Variants in COPB1 observed in about 807,000 individuals in gnomAD.
The protein encoded by COPB1 is coat protein complex I subunit beta 1.
COPB1 carries 21 observed loss-of-function variants against 108.7 expected under a neutral mutation model. The observed-to-expected ratio is 0.19, with a 90% CI of 0.14 to 0.28. The LOEUF (loss-of-function observed/expected upper bound fraction) is 0.28, where lower values mean the gene tolerates loss of function less well. Ranked by LOEUF, COPB1 falls within the 10% of genes least tolerant of loss-of-function variation. The probability of loss-of-function intolerance (pLI) is 1.00; values close to 1 mark genes in which losing one functional copy is unlikely to be tolerated. For missense variants in COPB1, 919 were observed against 1,141.3 expected, an observed-to-expected ratio of 0.81 and a Z score of 2.81; for synonymous variants, 378 against 386.8, an observed-to-expected ratio of 0.98 and a Z score of 0.27.
At chr11:14,477,070 GATCT>G in intron 11 of COPB1, 55 bp from the exon 12 acceptor site, 1 of 1,197,480 alleles carries the variant, frequency 8.4e-7, no homozygotes, top group Non-Finnish European at 1.2e-6. Flanking sequence ...TTGAAGCAGA[GATCT>G]TTCTTTGTTA....
chr11:14,472,241 T>C (rs1316287459), intron 14 of COPB1, among the ~76,000 whole-genome samples: 2 of 152,206 alleles, frequency 1.3e-5, no homozygotes, highest in African/African-American at 4.8e-5. Flanking sequence ...AAACATTCAT[T>C]TCTTTCTACA....
intron 7 of COPB1, 72 bp from the exon 8 acceptor site, chr11:14,483,223 G>C: frequency 1.1e-6 from 1 of 938,492 alleles, no homozygotes; most frequent in South Asian, 1.8e-5. Context: ...GCATGCGCGC[G>C]CACACCACAC....
chr11:14,484,730 C>G (rs575622457), intron 7 of COPB1, among the ~76,000 whole-genome samples: 92 of 152,010 alleles, frequency 6.1e-4, no homozygotes, highest in Admixed American at 1.1e-3. Context: ...AAAACAAAAA[C>G]AAAACAAAAA....
intron 16 of COPB1, among the ~76,000 whole-genome samples, chr11:14,467,687 C>A (rs145449546): frequency 6.6e-6 from 1 of 152,302 alleles, no homozygotes; most frequent in Non-Finnish European, 1.5e-5. Context: ...CATATACTTA[C>A]AATGTAATAT....
In COPB1 at chr11:14,483,258, A is replaced by T. The variant is rs1022402112; in HGVS notation, c.838-107T>A. ...CACACACACACACACACACACACACACTCCCATGAAGCCAAAATACACTCA... is the reference window on the plus strand; with the variant it reads ...CACACACACACACACACACACACACTCTCCCATGAAGCCAAAATACACTCA... On this transcript the variant is annotated intron_variant, in intron 7 of 21. Coordinates refer to ENST00000439561, the MANE Select transcript of COPB1 (RefSeq NM_001144061.2). 1.1e-5 allele frequency: 6 copies of T among 557,236 alleles called. 1 individual carries two copies. Among genetic ancestry groups the T allele is most frequent in the Non-Finnish European group, 1.7e-5 (6 of 352,466 alleles). The allele number at this position is 557,236 out of a possible 1,614,324, so 34.5% of individuals were successfully genotyped here.
intron 2 of COPB1, among the ~76,000 whole-genome samples, chr11:14,498,346 TTTC>T (rs1382600040): frequency 3.3e-5 from 5 of 152,224 alleles, no homozygotes; most frequent in Non-Finnish European, 2.9e-5. Flanking sequence ...ATATAGTTGT[TTTC>T]TTATTTGCAA....
rs769505465 is a variant in COPB1 at position 14,494,291 on chromosome 11, T to C, written c.240A>G (p.Val80=). 1.5e-5 allele frequency: 24 copies of C among 1,613,722 alleles called. No homozygotes were observed. In the Admixed American group the frequency reaches 3.7e-4, roughly 25 times the overall value. ...QDHTIKKLLL[V]FWEIVPKTTP... ...TTGTTTTAGGAACAATTTCCCAAAA[T>C]ACCAGAAGTAATTTCTTGATAGTGT... The change falls in exon 3 of 22, where the codon GTA becomes GTG. Residue 80 remains valine (V), a synonymous_variant. Coordinates refer to ENST00000439561, the MANE Select transcript of COPB1 (RefSeq NM_001144061.2).
chr11:14,469,663 G>A, intron 14 of COPB1, 100 bp from the exon 15 acceptor site: 1 of 1,004,912 alleles, frequency 1.0e-6, no homozygotes, highest in Non-Finnish European at 1.5e-6. Flanking sequence ...CACTTCACCT[G>A]AATAAGATTT....
Position 14,476,963 on chromosome 11 carries a change from C to G in COPB1, c.1411G>C (p.Asp471His). ...ATCTCAGTCATCACACTCTGAATGT[C>G]TTCCTTGGTACTACAGTATTCTCCC... is the stretch of plus-strand genomic sequence containing the variant. ...ILGEYCSTKE[D>H]IQSVMTEIRR... Residue 471 changes from aspartate to histidine, a missense_variant, in exon 12 of 22, where the codon GAC (aspartate) becomes CAC (histidine). Around this residue, in one of 5 missense-constraint regions of COPB1, gnomAD observed 705 missense variants for 817.8 expected, o/e 0.86. Transcript: ENST00000439561. The G allele has an allele frequency of 6.2e-7, 1 of 1,613,110 alleles. No homozygotes were observed. Among genetic ancestry groups the G allele is most frequent in the Non-Finnish European group, 8.5e-7 (1 of 1,179,122 alleles).
intron 1 of COPB1, among the ~76,000 whole-genome samples, chr11:14,499,366 C>T (rs1851099389): frequency 6.6e-6 from 1 of 152,202 alleles, no homozygotes; most frequent in Non-Finnish European, 1.5e-5. Flanking sequence ...TATCGCGGTC[C>T]TTGGTGGGTT....
intron 16 of COPB1, among the ~76,000 whole-genome samples, chr11:14,467,202 AC>A (rs1850302434): frequency 6.6e-6 from 1 of 152,008 alleles, no homozygotes. Flanking sequence ...AAAAAAACCA[AC>A]AACCCAATTT....
intron 7 of COPB1, among the ~76,000 whole-genome samples, chr11:14,484,982 A>C (rs1850739283): frequency 6.6e-6 from 1 of 152,110 alleles, no homozygotes. Context: ...ACTCACTAAA[A>C]CTTAAAATCT....
chr11:14,480,307 TTA>T (rs1850633900), intron 10 of COPB1, among the ~76,000 whole-genome samples: 1 of 152,152 alleles, frequency 6.6e-6, no homozygotes, highest in African/African-American at 2.4e-5. Flanking sequence ...TAAAATCATT[TTA>T]GAGAGAACTC....
chr11:14,478,295 CCAGA>C (rs1442339461), intron 11 of COPB1, among the ~76,000 whole-genome samples: 2 of 151,438 alleles, frequency 1.3e-5, no homozygotes, highest in Admixed American at 1.3e-4. Context: ...TATTTTATGG[CCAGA>C]CACTGTGGCT....
Position 14,475,958 on chromosome 11 carries a change from T to C in COPB1, c.1456-13A>G. ...CTACAATTGGGATCTAAAAGTCAAT[T>C]GGAAACATCATTTTAGTAATAGTAT... On this transcript the variant is annotated splice_polypyrimidine_tract_variant and intron_variant, in intron 12 of 21. Transcript: ENST00000439561. 6.4e-7 allele frequency: 1 copy of C among 1,572,020 alleles called. No individual in the cohort carries two copies. The highest frequency in any genetic ancestry group is 1.2e-5 in the South Asian group (1 of 83,954).
At chr11:14,460,432 A>G (rs1850119828) in intron 19 of COPB1, 135 bp from the exon 20 acceptor site, 2 of 582,302 alleles carry the variant, frequency 3.4e-6, no homozygotes. Context: ...ACTAAATAAC[A>G]TCTATAAAAT....
At chr11:14,458,418 T>C in intron 21 of COPB1, 114 bp downstream of exon 21, 1 of 941,066 alleles carries the variant, frequency 1.1e-6, no homozygotes, top group South Asian at 2.3e-5. Context: ...ATTATTATTG[T>C]ATGTGTATAT....
At chr11:14,492,549 G>A (rs1850929173) in intron 4 of COPB1, among the ~76,000 whole-genome samples, 1 of 151,344 alleles carries the variant, frequency 6.6e-6, no homozygotes, top group Non-Finnish European at 1.5e-5. Context: ...CTCCATGTTG[G>A]TCAGGCTGGT....
At chr11:14,482,816 G>A (rs150242211) in intron 8 of COPB1, among the ~76,000 whole-genome samples, 2,660 of 152,286 alleles carry the variant, frequency 0.017, 78 homozygotes, top group African/African-American at 0.061. Context: ...GATTACAGGC[G>A]TGAGCCACCG....
Sources: gnomAD v4.1 joint callset for allele counts (sites outside exome capture counted in the v4.1 genomes callset) on GRCh38, gnomAD v4.1.1 for gene constraint, gnomAD v4.1.1 regional missense constraint, MANE v1.5 for transcripts, NCBI Gene and HGNC (gene_info 2026-07-23, HGNC 2026-07-21) for gene names.